The following ATRNL1 variants were observed in gnomAD, a reference collection of about 807,000 sequenced individuals.
The protein encoded by ATRNL1 is attractin like 1.
In ATRNL1, 95 loss-of-function variants were observed where a neutral mutation model predicts 182.7. The ratio of observed to expected loss-of-function variants is 0.52; its 90% CI spans 0.44 to 0.62. ATRNL1 has a LOEUF of 0.62. ATRNL1 is among the 20% of genes least tolerant of loss of function. The pLI, the probability that ATRNL1 is intolerant of heterozygous loss-of-function variation, is 0.00. For synonymous variants in ATRNL1, 576 were observed against 568.3 expected, an observed-to-expected ratio of 1.01 and a Z score of -0.19; for missense variants, 1,471 against 1,679.5, an observed-to-expected ratio of 0.88 and a Z score of 2.17.
At chr10:115,189,009 A>G (rs1446460327) in intron 8 of ATRNL1, among the ~76,000 whole-genome samples, 1 of 152,200 alleles carries the variant, frequency 6.6e-6, no homozygotes, top group African/African-American at 2.4e-5. Flanking sequence ...AACAGTATCA[A>G]TATAATGAGT....
At chr10:115,244,640 G>A (rs17722681) in intron 10 of ATRNL1, among the ~76,000 whole-genome samples, 5 of 151,970 alleles carry the variant, frequency 3.3e-5, no homozygotes, top group Admixed American at 3.3e-4. Flanking sequence ...GTTCTAGTTT[G>A]TAAATCTAGT....
intron 10 of ATRNL1, among the ~76,000 whole-genome samples, chr10:115,248,587 T>A (rs1554904665): frequency 6.6e-6 from 1 of 152,016 alleles, no homozygotes; most frequent in Non-Finnish European, 1.5e-5. Context: ...TATAAAATAA[T>A]TTCGCCTACT....
chr10:115,736,100 T>TAAAA (rs1947942123), intron 27 of ATRNL1, among the ~76,000 whole-genome samples: 1 of 152,030 alleles, frequency 6.6e-6, no homozygotes, highest in East Asian at 1.9e-4. Flanking sequence ...TCTAAGTTAT[T>TAAAA]GAGTCATTAT....
intron 27 of ATRNL1, among the ~76,000 whole-genome samples, chr10:115,798,902 C>A (rs140403076): frequency 0.013 from 1,959 of 151,286 alleles, 38 homozygotes; most frequent in African/African-American, 0.044. Context: ...TCTCAGCTCA[C>A]CACAACCTCC....
chr10:115,519,015 A>G (rs2133699854), intron 24 of ATRNL1, among the ~76,000 whole-genome samples: 1 of 152,108 alleles, frequency 6.6e-6, no homozygotes, highest in Admixed American at 6.6e-5. Flanking sequence ...CTTAGCGTGC[A>G]TCCTTAAAGT....
chr10:115,310,827 T>C (rs1853980941), intron 17 of ATRNL1, among the ~76,000 whole-genome samples: 1 of 152,220 alleles, frequency 6.6e-6, no homozygotes, highest in Non-Finnish European at 1.5e-5. Flanking sequence ...TTAGTTCTAC[T>C]CTGAGATTTG....
chr10:115,213,308 G>A (rs1285383550), intron 8 of ATRNL1, among the ~76,000 whole-genome samples: 2 of 152,070 alleles, frequency 1.3e-5, no homozygotes, highest in African/African-American at 4.8e-5. Flanking sequence ...GCAGTCTTAG[G>A]CCTTGTGGGG....
At chr10:115,250,730 C>A (rs977436433) in intron 10 of ATRNL1, among the ~76,000 whole-genome samples, 2 of 152,198 alleles carry the variant, frequency 1.3e-5, no homozygotes, top group East Asian at 3.9e-4. Context: ...TCCACTGGAC[C>A]CCTAAATATT....
chr10:115,124,757 A>G (rs1554872857), intron 3 of ATRNL1, among the ~76,000 whole-genome samples: 1 of 152,146 alleles, frequency 6.6e-6, no homozygotes, highest in Non-Finnish European at 1.5e-5. Flanking sequence ...AGGGCTCACC[A>G]TGAATAGGAA....
intron 21 of ATRNL1, among the ~76,000 whole-genome samples, chr10:115,428,082 T>C (rs1845986300): frequency 6.6e-6 from 1 of 152,044 alleles, no homozygotes; most frequent in Admixed American, 6.5e-5. Flanking sequence ...CTTTAATTTT[T>C]ACTATTAATA....
intron 20 of ATRNL1, among the ~76,000 whole-genome samples, chr10:115,416,597 T>C (rs906199737): frequency 5.9e-5 from 9 of 152,326 alleles, no homozygotes; most frequent in East Asian, 5.8e-4. Context: ...TGCTTGACTA[T>C]TGAAAACTTA....
intron 28 of ATRNL1, among the ~76,000 whole-genome samples, chr10:115,883,036 C>G (rs1350914941): frequency 1.3e-5 from 2 of 152,162 alleles, no homozygotes; most frequent in Non-Finnish European, 2.9e-5. Flanking sequence ...GAACAGATGC[C>G]AGTAGCTATC....
chr10:115,285,744 AC>A (rs1293228032), intron 14 of ATRNL1, among the ~76,000 whole-genome samples: 1 of 152,094 alleles, frequency 6.6e-6, no homozygotes, highest in African/African-American at 2.4e-5. Context: ...AGAGAACCCA[AC>A]TTATACCACA....
intron 26 of ATRNL1, among the ~76,000 whole-genome samples, chr10:115,584,903 T>G (rs1265743921): frequency 6.6e-6 from 1 of 150,564 alleles, no homozygotes; most frequent in African/African-American, 2.4e-5. Flanking sequence ...TAAATTTCCC[T>G]CTACACACTG....
intron 27 of ATRNL1, among the ~76,000 whole-genome samples, chr10:115,758,530 C>A (rs1948650465): frequency 6.6e-6 from 1 of 152,208 alleles, no homozygotes; most frequent in South Asian, 2.1e-4. Flanking sequence ...CACCAGATGC[C>A]AGCCAGAGCT....
chr10:115,531,208 C>T (rs1554988153), intron 25 of ATRNL1, among the ~76,000 whole-genome samples: 1 of 152,034 alleles, frequency 6.6e-6, no homozygotes, highest in Admixed American at 6.5e-5. Flanking sequence ...GCCACACTGA[C>T]TTCCACAATG....
intron 21 of ATRNL1, among the ~76,000 whole-genome samples, chr10:115,447,514 A>T (rs529921467): frequency 3.9e-5 from 6 of 151,968 alleles, no homozygotes; most frequent in African/African-American, 1.4e-4. Context: ...ACTATACCAC[A>T]TTATTTAAAA....
At chr10:115,151,350 C>T (rs1207227383) in intron 5 of ATRNL1, among the ~76,000 whole-genome samples, 95 of 152,218 alleles carry the variant, frequency 6.2e-4, no homozygotes, top group African/African-American at 2.0e-3. Context: ...AGTGTAAAAG[C>T]ATTCCTATTT....
intron 24 of ATRNL1, among the ~76,000 whole-genome samples, chr10:115,492,128 A>G (rs1554976727): frequency 6.6e-6 from 1 of 152,090 alleles, no homozygotes; most frequent in East Asian, 1.9e-4. Context: ...AAATACAGAC[A>G]TCACTCACCT....
Sources: allele counts gnomAD v4.1 joint callset (sites outside exome capture counted in the v4.1 genomes callset), GRCh38; gene constraint gnomAD v4.1.1; transcripts MANE v1.5; gene names NCBI Gene and HGNC (gene_info 2026-07-23, HGNC 2026-07-21).